CRB1: variants seen among roughly 807,000 people sequenced by gnomAD.
CRB1 encodes the protein crumbs cell polarity complex component 1, also known as protein crumbs homolog 1.
A neutral mutation model predicts 120.0 loss-of-function variants in CRB1; 83 were observed. That is an observed-to-expected ratio of 0.69 (90% CI 0.58 to 0.83). CRB1 has a LOEUF of 0.83. CRB1 is among the 40% of genes least tolerant of loss of function. The pLI is 0.00. For synonymous variants in CRB1, 625 were observed against 612.5 expected (o/e 1.02, Z -0.30); for missense variants, 1,699 against 1,687.6 (o/e 1.01, Z -0.12).
At chr1:197,424,911 A>G (rs1397853439) in intron 6 of CRB1, among the ~76,000 whole-genome samples, 4 of 152,192 alleles carry the variant, frequency 2.6e-5, no homozygotes, top group African/African-American at 9.7e-5. Context: ...CAGCCAAGTC[A>G]TATGTCTTCA....
chr1:197,448,753 T>C (rs1665821200), intron 11 of CRB1, among the ~76,000 whole-genome samples: 1 of 152,206 alleles, frequency 6.6e-6, no homozygotes, highest in African/African-American at 2.4e-5. Flanking sequence ...CTGCACTTTT[T>C]TGCTATTTTG....
the CRB1 span, among the ~76,000 whole-genome samples, chr1:197,225,393 G>A: frequency 3.3e-5 from 5 of 152,172 alleles, no homozygotes; most frequent in Non-Finnish European, 7.4e-5. Context: ...CTTTAATTAT[G>A]ACTTAGATAA....
At chr1:197,235,853 T>C in the CRB1 span, among the ~76,000 whole-genome samples, 2 of 152,128 alleles carry the variant, frequency 1.3e-5, no homozygotes, top group African/African-American at 2.4e-5. Flanking sequence ...TTTGAGAAAA[T>C]GGGTATTCGT....
intron 2 of CRB1, among the ~76,000 whole-genome samples, chr1:197,337,234 G>A (rs1179910799): frequency 6.6e-6 from 1 of 152,120 alleles, no homozygotes; most frequent in African/African-American, 2.4e-5. Flanking sequence ...GAGCCAGAAC[G>A]ACAGCTTTCT....
chr1:197,323,953 T>C (rs1364720796), intron 1 of CRB1, among the ~76,000 whole-genome samples: 2 of 152,180 alleles, frequency 1.3e-5, no homozygotes, highest in Non-Finnish European at 2.9e-5. Flanking sequence ...TCAGAAATTA[T>C]ATATAAAAGC....
chr1:197,316,638 A>G (rs1019041375), intron 1 of CRB1, among the ~76,000 whole-genome samples: 1 of 152,230 alleles, frequency 6.6e-6, no homozygotes, highest in Non-Finnish European at 1.5e-5. Context: ...GGTTTAATTT[A>G]TACATGCCAT....
chr1:197,365,617 CTTCTTCTTCT>C (rs1394390914), intron 5 of CRB1, among the ~76,000 whole-genome samples: 2 of 126,694 alleles, frequency 1.6e-5, no homozygotes, highest in African/African-American at 9.2e-5. Context: ...TCTCCTTCTT[CTTCTTCTTCT>C]TTTTTTTTTT....
chr1:197,300,770 G>C (rs929974388), intron 1 of CRB1, among the ~76,000 whole-genome samples: 1 of 152,168 alleles, frequency 6.6e-6, no homozygotes, highest in Admixed American at 6.5e-5. Context: ...TTCATAGCTA[G>C]AAAGAAGTTG....
At chr1:197,341,289 T>C (rs1659442492) in intron 2 of CRB1, among the ~76,000 whole-genome samples, 1 of 152,160 alleles carries the variant, frequency 6.6e-6, no homozygotes, top group African/African-American at 2.4e-5. Context: ...ATGCCTGTAA[T>C]CCCAGCACTT....
chr1:197,364,739 T>A (rs1166687420), intron 5 of CRB1, among the ~76,000 whole-genome samples: 1 of 152,162 alleles, frequency 6.6e-6, no homozygotes, highest in African/African-American at 2.4e-5. Flanking sequence ...CATTTTGTTC[T>A]TTTAAGCAAC....
chr1:197,413,066 G>T (rs1252147788), intron 5 of CRB1, among the ~76,000 whole-genome samples: 1 of 152,144 alleles, frequency 6.6e-6, no homozygotes, highest in South Asian at 2.1e-4. Context: ...TAAAGGAATT[G>T]CTCTGATTGT....
At chr1:197,340,971 C>T (rs1659420484) in intron 2 of CRB1, among the ~76,000 whole-genome samples, 1 of 152,110 alleles carries the variant, frequency 6.6e-6, no homozygotes. Flanking sequence ...CAAGTTGCGT[C>T]TTACATGGAT....
At chr1:197,202,969 GTGTGTGTGTGTGTC>G in the CRB1 span, among the ~76,000 whole-genome samples, 2 of 146,330 alleles carry the variant, frequency 1.4e-5, no homozygotes, top group African/African-American at 2.5e-5. Flanking sequence ...TGTGGTGTGT[GTGTGTGTGTGTGTC>G]TGTGTGTGTG....
At chr1:197,467,326 AT>A (rs796628069) in intron 11 of CRB1, among the ~76,000 whole-genome samples, 1,573 of 149,522 alleles carry the variant, frequency 0.011, 27 homozygotes, top group African/African-American at 0.034. Context: ...ATATACATGT[AT>A]TTTTTTTTTG....
intron 11 of CRB1, among the ~76,000 whole-genome samples, chr1:197,476,740 GA>G (rs1305307205): frequency 6.6e-6 from 1 of 152,080 alleles, no homozygotes; most frequent in Non-Finnish European, 1.5e-5. Flanking sequence ...GTAACGTGGG[GA>G]TGAGTCCTAG....
intron 5 of CRB1, among the ~76,000 whole-genome samples, chr1:197,389,567 G>A (rs1662390330): frequency 6.6e-6 from 1 of 152,088 alleles, no homozygotes; most frequent in Admixed American, 6.6e-5. Flanking sequence ...TGCTTAATGA[G>A]TAGTTTTTCA....
chr1:197,443,847 G>A (rs776393433), intron 11 of CRB1: 4 of 151,890 alleles, frequency 2.6e-5, no homozygotes, highest in African/African-American at 4.8e-5. Flanking sequence ...CCACCAGTAC[G>A]TTATCATTTA....
At position 197,338,801 on chromosome 1, in the gene CRB1, T is replaced by C. The variant is rs146574103; in HGVS notation, c.653-5480T>C. ...AAATAATGACAAAGCATTAATAATA[T>C]TTATAAAGACAAATTTTCTGTATCA... On this transcript the variant is annotated intron_variant, in intron 2 of 11. Transcript: ENST00000367400. 1.2e-4 allele frequency among the ~76,000 whole-genome samples: 18 copies of C among 152,168 alleles called. No homozygotes were observed. In the East Asian group the frequency reaches 3.3e-3, roughly 28 times the overall value.
the CRB1 span, among the ~76,000 whole-genome samples, chr1:197,242,221 G>A: frequency 6.6e-6 from 1 of 151,630 alleles, no homozygotes; most frequent in Admixed American, 6.6e-5. Flanking sequence ...CTGTTGATTA[G>A]GAGTGTTGAA....
Sources: allele counts gnomAD v4.1 joint callset (sites outside exome capture counted in the v4.1 genomes callset), GRCh38; gene constraint gnomAD v4.1.1; transcripts MANE v1.5; gene names NCBI Gene and HGNC (gene_info 2026-07-23, HGNC 2026-07-21).